Variants in ALG6 observed in about 807,000 individuals in gnomAD.
The protein encoded by ALG6 is ALG6 alpha-1,3-glucosyltransferase, also known as dolichyl pyrophosphate Man9GlcNAc2 alpha-1,3-glucosyltransferase.
In ALG6, 46 loss-of-function variants were observed where a neutral mutation model predicts 66.6. The ratio of observed to expected loss-of-function variants is 0.69; its 90% confidence interval spans 0.55 to 0.88. The LOEUF (loss-of-function observed/expected upper bound fraction) is 0.88. Among genes scored for constraint, ALG6 ranks in the 40% least tolerant of loss-of-function variants. ALG6 has a pLI of 0.00. For missense variants in ALG6, 505 were observed against 586.8 expected, an observed-to-expected ratio of 0.86 and a Z score of 1.44; for synonymous variants, 185 against 203.7, an observed-to-expected ratio of 0.91 and a Z score of 0.78.
intron 2 of ALG6, among the ~76,000 whole-genome samples, chr1:63,392,394 C>T (rs1273108591): frequency 6.6e-6 from 1 of 152,138 alleles, no homozygotes; most frequent in African/African-American, 2.4e-5. Context: ...TGGTCTTGAA[C>T]TCCTGAACTC....
chr1:63,389,396 T>C, intron 2 of ALG6, among the ~76,000 whole-genome samples: 1 of 152,226 alleles, frequency 6.6e-6, no homozygotes, highest in South Asian at 2.1e-4. Flanking sequence ...AGTATGTCAA[T>C]TGAATTTTTT....
At chr1:63,428,519 AT>A (rs1644629093) in intron 12 of ALG6, 1 of 389,656 alleles carries the variant, frequency 2.6e-6, no homozygotes, top group African/African-American at 2.1e-5. Flanking sequence ...CAGTTTTCCA[AT>A]TATTATGAGG....
rs773277552 is a variant in ALG6, at chr1:63,411,160, GT to G, written c.510del (p.Gly172AlafsTer17). On this transcript the variant is annotated frameshift_variant, in exon 8 of 15. Transcript: ENST00000263440. LOFTEE classifies it high-confidence loss of function. ...DYGHFQYNSVSLGFALWGVLG... is the reference protein window; with the variant it reads ...DYGHFQYNSVXLGFALWGVLG... ...CACAGGAACATATATAATTCTGTGA[GT>G]CTTGGCTTTGCTTTGTGGGGTGTTC... is the stretch of plus-strand genomic sequence containing the variant. The G allele has an allele frequency of 6.2e-7, 1 of 1,613,660 alleles. No individual in the cohort carries two copies. Among genetic ancestry groups the G allele is most frequent in the African/African-American group, 1.3e-5 (1 of 74,886 alleles).
intron 12 of ALG6, among the ~76,000 whole-genome samples, chr1:63,427,167 A>ATTTTTTTT (rs534868219): frequency 7.4e-6 from 1 of 134,294 alleles, no homozygotes; most frequent in African/African-American, 2.8e-5. Flanking sequence ...TGTCCAGCTA[A>ATTTTTTTT]TTTTTTTTTT....
At chr1:63,400,266 T>C (rs71643674) in intron 3 of ALG6, among the ~76,000 whole-genome samples, 521 of 2,226 alleles carry the variant, frequency 0.23, 162 homozygotes, top group African/African-American at 0.43. Flanking sequence ...TATATATATA[T>C]ACGTATATAT....
Position 63,398,820 on chromosome 1 carries a change from C to T in ALG6, c.167+2223C>T, listed in dbSNP as rs1334865953. 5.9e-5 allele frequency among the ~76,000 whole-genome samples: 9 copies of T among 152,016 alleles called. No homozygotes were observed. The East Asian group carries it at 9.6e-4, about 16-fold the overall frequency. ...AAATTGCTTGTTCATTTCTTTCCCCCGTGTTTGTAGTGGATAATCATTTTT... is the reference window on the plus strand; with the variant it reads ...AAATTGCTTGTTCATTTCTTTCCCCTGTGTTTGTAGTGGATAATCATTTTT... On this transcript the variant is annotated intron_variant, in intron 3 of 14. Coordinates refer to ENST00000263440, the MANE Select transcript of ALG6 (RefSeq NM_013339.4).
chr1:63,423,172 C>T (rs1367842944), intron 12 of ALG6, among the ~76,000 whole-genome samples: 1 of 151,664 alleles, frequency 6.6e-6, no homozygotes, highest in Admixed American at 6.6e-5. Flanking sequence ...TACAGACGCA[C>T]ACCACCACGC....
intron 2 of ALG6, among the ~76,000 whole-genome samples, chr1:63,376,577 A>G (rs773256866): frequency 6.6e-6 from 1 of 152,142 alleles, no homozygotes; most frequent in South Asian, 2.1e-4. Context: ...ATCTACTTTG[A>G]CCCATGAGTT....
At chr1:63,383,393 C>T (rs979859111) in intron 2 of ALG6, among the ~76,000 whole-genome samples, 1 of 152,072 alleles carries the variant, frequency 6.6e-6, no homozygotes, top group African/African-American at 2.4e-5. Context: ...GCTAGGATTA[C>T]AGGCATGAGG....
At chr1:63,427,670 A>T (rs182384891) in intron 12 of ALG6, among the ~76,000 whole-genome samples, 1 of 152,218 alleles carries the variant, frequency 6.6e-6, no homozygotes, top group East Asian at 1.9e-4. Context: ...ACCAGGACTC[A>T]GGGCTTCACA....
intron 3 of ALG6, among the ~76,000 whole-genome samples, chr1:63,400,283 GTATATATATATACGTATATA>G (rs1644452985): frequency 2.5e-4 from 1 of 4,022 alleles, no homozygotes; most frequent in Non-Finnish European, 3.6e-4. Flanking sequence ...ATATATATAC[GTATATATATATACGTATATA>G]TATGTATATA....
chr1:63,408,860 A>G (rs549140884), intron 7 of ALG6, among the ~76,000 whole-genome samples: 1 of 152,234 alleles, frequency 6.6e-6, no homozygotes, highest in South Asian at 2.1e-4. Context: ...GCTCGCTGCA[A>G]CCTCTGCCTC....
intron 11 of ALG6, 42 bp downstream of exon 11, chr1:63,415,999 C>G (rs1306181081): frequency 3.7e-6 from 5 of 1,363,332 alleles, no homozygotes; most frequent in Non-Finnish European, 5.2e-6. Flanking sequence ...CTTGCCACAA[C>G]TGATCTTTTA....
chr1:63,418,832 T>A (rs1181686935), intron 11 of ALG6, among the ~76,000 whole-genome samples: 1 of 152,194 alleles, frequency 6.6e-6, no homozygotes, highest in Non-Finnish European at 1.5e-5. Context: ...TGGATAAGAT[T>A]CAAGGTTTTT....
In ALG6 at chr1:63,437,114, T is replaced by C. The variant is rs1644683778; in HGVS notation, c.*94T>C. ...ACTTTTTGCTATGTATAAATGAAAT[T>C]ACCATTTTGAGAACCATGGAACCAC... is the stretch of plus-strand genomic sequence containing the variant. On this transcript the variant is annotated 3_prime_UTR_variant, in exon 15 of 15. Transcript: ENST00000263440. 1.8e-6 allele frequency: 2 copies of C among 1,122,300 alleles called. No homozygotes were observed. Among genetic ancestry groups the C allele is most frequent in the Non-Finnish European group, 2.6e-6 (2 of 772,190 alleles). 69.5% of individuals were successfully genotyped at this position (1,122,300 alleles called of 1,614,324 possible).
Position 63,402,296 on chromosome 1 carries a change from G to A in ALG6, c.210G>A (p.Leu70=). ...SSDNNLQYWG[L]DYPPLTAYHS... The stretch of plus-strand genomic sequence containing the variant: ...ATAACAATTTACAGTATTGGGGATT[G>A]GATTACCCACCTCTTACAGCTTATC... The change falls in exon 4 of 15, where the codon TTG becomes TTA. Residue 70 remains leucine, a synonymous_variant. Transcript: ENST00000263440. The A allele has an allele frequency of 6.2e-7, 1 of 1,611,990 alleles. No homozygotes were observed. Among genetic ancestry groups the A allele is most frequent in the Non-Finnish European group, 8.5e-7 (1 of 1,178,524 alleles).
intron 2 of ALG6, among the ~76,000 whole-genome samples, chr1:63,381,093 G>A (rs1648283878): frequency 6.6e-6 from 1 of 152,164 alleles, no homozygotes; most frequent in Admixed American, 6.6e-5. Flanking sequence ...GCCGAGGCAG[G>A]TGGATTGCTT....
At chr1:63,432,171 A>G (rs891347636) in intron 14 of ALG6, among the ~76,000 whole-genome samples, 13 of 151,994 alleles carry the variant, frequency 8.6e-5, no homozygotes, top group African/African-American at 3.1e-4. Context: ...TGGTTGAGGA[A>G]GTTCTCTTCA....
chr1:63,404,489 T>C lies in ALG6; in HGVS notation c.294T>C (p.His98=), dbSNP rs1644480931. ...KFINPDWIAL[H]TSRGYESQAH... ...TAAATCCAGACTGGATTGCTCTCCATACATCACGTGGATATGAGAGTCAGG... is the reference window on the plus strand; with the variant it reads ...TAAATCCAGACTGGATTGCTCTCCACACATCACGTGGATATGAGAGTCAGG... Residue 98 remains histidine (H), a synonymous_variant, in exon 5 of 15, where the codon CAT becomes CAC. Transcript: ENST00000263440. The C allele has an allele frequency of 1.2e-6, 2 of 1,613,644 alleles. No homozygotes were observed. Among genetic ancestry groups the C allele is most frequent in the Non-Finnish European group, 1.7e-6 (2 of 1,179,752 alleles).
Sources: allele counts gnomAD v4.1 joint callset (sites outside exome capture counted in the v4.1 genomes callset), GRCh38; gene constraint gnomAD v4.1.1; transcripts MANE v1.5; gene names NCBI Gene and HGNC (gene_info 2026-07-23, HGNC 2026-07-21).